The following HPSE variants were observed in gnomAD, a reference collection of about 807,000 sequenced individuals.
The protein encoded by HPSE is endo-glucoronidase.
In HPSE, 48 loss-of-function variants were observed where a neutral mutation model predicts 65.1. The observed-to-expected ratio is 0.74, with a 90% CI of 0.58 to 0.94. The LOEUF is 0.94. HPSE is among the 40% of genes least tolerant of loss of function. The probability of loss-of-function intolerance (pLI) is 0.00; values close to 1 mark genes in which losing one functional copy is unlikely to be tolerated. For missense variants in HPSE, 644 were observed against 637.5 expected, an observed-to-expected ratio of 1.01 and a Z score of -0.11; for synonymous variants, 243 against 260.0, an observed-to-expected ratio of 0.93 and a Z score of 0.63.
chr4:83,301,323 A>T (rs775660832), intron 10 of HPSE, among the ~76,000 whole-genome samples: 2 of 152,062 alleles, frequency 1.3e-5, no homozygotes, highest in African/African-American at 2.4e-5. Context: ...CACAATTAAA[A>T]ATGTTGCCGT....
intron 3 of HPSE, among the ~76,000 whole-genome samples, chr4:83,314,136 C>CCAGCTAGCTACTTT (rs1266717993): frequency 3.3e-5 from 5 of 151,290 alleles, no homozygotes; most frequent in Admixed American, 6.6e-5. Flanking sequence ...ACCTGTAGTC[C>CCAGCTAGCTACTTT]CAGCTAGCTA....
intron 8 of HPSE, 50 bp from the exon 9 acceptor site, chr4:83,306,367 TC>T (rs771033035): frequency 8.0e-6 from 7 of 880,316 alleles, no homozygotes; most frequent in Non-Finnish European, 1.3e-5. Context: ...ACAAAATCGC[TC>T]AATTCTAATT....
intron 1 of HPSE, among the ~76,000 whole-genome samples, chr4:83,324,311 C>T (rs1217463287): frequency 6.6e-6 from 1 of 151,836 alleles, no homozygotes; most frequent in Non-Finnish European, 1.5e-5. Flanking sequence ...TCTTAATATC[C>T]TAGGAATTAA....
At chr4:83,313,038 AAAAG>A in intron 4 of HPSE, 72 bp downstream of exon 4, 1 of 946,746 alleles carries the variant, frequency 1.1e-6, no homozygotes, top group Non-Finnish European at 1.5e-6. Context: ...AAAAAAAAAA[AAAAG>A]AAAAAGAAAA....
chr4:83,305,471 T>C (rs1356677779), intron 9 of HPSE, among the ~76,000 whole-genome samples: 1 of 152,232 alleles, frequency 6.6e-6, no homozygotes, highest in African/African-American at 2.4e-5. Context: ...TCACGTACGC[T>C]CTTTGCAAAA....
At chr4:83,298,483 A>T (rs549230254) in intron 11 of HPSE, among the ~76,000 whole-genome samples, 119 of 143,798 alleles carry the variant, frequency 8.3e-4, no homozygotes, top group African/African-American at 1.9e-3. Flanking sequence ...TTTTTTTTTA[A>T]AAAAAAACAG....
intron 11 of HPSE, among the ~76,000 whole-genome samples, chr4:83,300,224 A>G (rs969427679): frequency 6.6e-6 from 1 of 152,206 alleles, no homozygotes; most frequent in African/African-American, 2.4e-5. Flanking sequence ...TACTCTAGCT[A>G]TTCTTTTTCT....
At position 83,307,543 on chromosome 4, in the gene HPSE, G is replaced by T. The variant is rs1217776769; in HGVS notation, c.1092-1226C>A. ...TTCCCACCTCTATAGACAATTCCTG[G>T]TCCTATGAGGTCCCTGCACAAACAA... On this transcript the variant is annotated intron_variant, in intron 8 of 11. Transcript: ENST00000311412. Among the ~76,000 whole-genome samples the T allele has an allele frequency of 2.0e-5, 3 of 152,008 alleles. No individual in the cohort carries two copies. The East Asian group carries it at 5.8e-4, about 29-fold the overall frequency.
chr4:83,331,065 G>A (rs542646943), intron 1 of HPSE, among the ~76,000 whole-genome samples: 52 of 152,202 alleles, frequency 3.4e-4, no homozygotes, highest in East Asian at 1.4e-3. Flanking sequence ...TTAGCCAGGC[G>A]TGGTGGTGCA....
In HPSE at chr4:83,322,367, G is replaced by A. The variant is rs370059133; in HGVS notation, c.228-3C>T. 6.3e-6 allele frequency: 10 copies of A among 1,598,876 alleles called. No homozygotes were observed. The highest frequency in any genetic ancestry group is 8.5e-6 in the Non-Finnish European group (10 of 1,174,756). ...CCAAGGTACGAAGCTTTGGAGAACT[G>A]TTAGGAAGACAAGCAAGAAAGTATA... On this transcript the variant is annotated splice_region_variant and splice_polypyrimidine_tract_variant and intron_variant, in intron 1 of 11. Transcript: ENST00000311412.
chr4:83,330,222 G>A (rs558760244), intron 1 of HPSE, among the ~76,000 whole-genome samples: 1 of 152,330 alleles, frequency 6.6e-6, no homozygotes, highest in Non-Finnish European at 1.5e-5. Context: ...GGGAGAATAT[G>A]CAGCCATTAC....
intron 8 of HPSE, among the ~76,000 whole-genome samples, chr4:83,306,873 T>C (rs965140360): frequency 6.6e-6 from 1 of 152,180 alleles, no homozygotes; most frequent in Non-Finnish European, 1.5e-5. Context: ...CCCCAAATTG[T>C]TCCTGGGGAT....
chr4:83,330,792 T>C (rs1438707948), intron 1 of HPSE, among the ~76,000 whole-genome samples: 4 of 152,206 alleles, frequency 2.6e-5, no homozygotes, highest in Admixed American at 6.5e-5. Context: ...CTCAGCACTA[T>C]ACTTTTTTTT....
At chr4:83,329,823 G>C (rs1737296102) in intron 1 of HPSE, among the ~76,000 whole-genome samples, 1 of 152,106 alleles carries the variant, frequency 6.6e-6, no homozygotes. Flanking sequence ...GAAGTGGAGA[G>C]GAAACTGTGA....
intron 8 of HPSE, among the ~76,000 whole-genome samples, 197 bp from the exon 9 acceptor site, chr4:83,306,514 C>T (rs976392079): frequency 6.6e-6 from 1 of 152,164 alleles, no homozygotes; most frequent in Non-Finnish European, 1.5e-5. Flanking sequence ...CTCCTGGGCT[C>T]CATTAATCCT....
intron 3 of HPSE, among the ~76,000 whole-genome samples, chr4:83,317,656 T>G (rs1736705305): frequency 6.6e-6 from 1 of 152,206 alleles, no homozygotes; most frequent in South Asian, 2.1e-4. Context: ...AAAGATCCTG[T>G]AAAGTAGTAA....
chr4:83,301,522 A>T (rs1735947311), intron 10 of HPSE, among the ~76,000 whole-genome samples: 1 of 152,216 alleles, frequency 6.6e-6, no homozygotes, highest in Non-Finnish European at 1.5e-5. Context: ...AAAAAGACTG[A>T]AATGTATAAG....
At chr4:83,321,338 C>T (rs1736884327) in intron 2 of HPSE, among the ~76,000 whole-genome samples, 1 of 152,094 alleles carries the variant, frequency 6.6e-6, no homozygotes, top group South Asian at 2.1e-4. Flanking sequence ...GTTCTAAATA[C>T]TTCATAACTG....
Position 83,329,400 on chromosome 4 carries a change from G to T in HPSE, c.227+5156C>A, listed in dbSNP as rs565419391. 2.0e-5 allele frequency among the ~76,000 whole-genome samples: 3 copies of T among 152,332 alleles called. No individual in the cohort carries two copies. The South Asian group carries it at 6.2e-4, about 32-fold the overall frequency. Reference sequence around the variant, plus strand: ...TTTTAGCAGGAAGAACAATGGAACAGGGATTTGGGGTTATTATTACAAGAG... The same window carrying T: ...TTTTAGCAGGAAGAACAATGGAACATGGATTTGGGGTTATTATTACAAGAG... On this transcript the variant is annotated intron_variant, in intron 1 of 11. Coordinates refer to ENST00000311412, the MANE Select transcript of HPSE (RefSeq NM_001098540.3).
Sources: gnomAD v4.1 joint callset for allele counts (sites outside exome capture counted in the v4.1 genomes callset) on GRCh38, gnomAD v4.1.1 for gene constraint, MANE v1.5 for transcripts, NCBI Gene and HGNC (gene_info 2026-07-23, HGNC 2026-07-21) for gene names.